RREB1: variants seen among roughly 807,000 people sequenced by gnomAD.
RREB1 encodes the protein ras responsive element binding protein 1.
In RREB1, 27 loss-of-function variants were observed where a neutral mutation model predicts 117.8. The observed-to-expected ratio is 0.23, with a 90% confidence interval of 0.17 to 0.32. The LOEUF (loss-of-function observed/expected upper bound fraction) is 0.32. Ranked by LOEUF, RREB1 falls within the 10% of genes least tolerant of loss-of-function variation. RREB1 has a pLI of 1.00. For synonymous variants in RREB1, 1,298 were observed against 1,026.7 expected (o/e 1.26, Z -5.05); for missense variants, 2,577 against 2,378.2 (o/e 1.08, Z -1.74).
intron 1 of RREB1, among the ~76,000 whole-genome samples, chr6:7,176,184 G>A (rs562662222): frequency 2.1e-4 from 32 of 152,250 alleles, no homozygotes; most frequent in African/African-American, 7.2e-4. Context: ...CCCAAAGTGC[G>A]GGGATTACAG....
intron 1 of RREB1, among the ~76,000 whole-genome samples, chr6:7,127,452 A>G (rs1007355335): frequency 2.6e-5 from 4 of 152,152 alleles, no homozygotes; most frequent in African/African-American, 7.2e-5. Context: ...AGGTGGGAAC[A>G]TTTATTTTCA....
In RREB1 at chr6:7,246,614, T is replaced by A. The variant is rs368341928; in HGVS notation, c.4164T>A (p.His1388Gln). Reference sequence around the variant, plus strand: ...AAGAGCACGGGCGTGGGGAGAGCCATGAGCCGGAGGAGGAGCATGGCACTG... The same window carrying A: ...AAGAGCACGGGCGTGGGGAGAGCCAAGAGCCGGAGGAGGAGCATGGCACTG... Reference protein sequence around the residue: ...HREEHGRGESHEPEEEHGTEE... With the variant: ...HREEHGRGESQEPEEEHGTEE... Residue 1388 changes from histidine to glutamine, a missense_variant, in exon 12 of 13, where the codon CAT becomes CAA. Coordinates refer to ENST00000379938, the MANE Select transcript of RREB1 (RefSeq NM_001003699.4). The A allele has an allele frequency of 9.0e-6, 14 of 1,563,324 alleles. No individual in the cohort carries two copies. In the African/African-American group the frequency reaches 1.9e-4, roughly 21 times the overall value.
rs1581606545 is a variant in RREB1 at position 7,251,126 on chromosome 6, G to C, written c.*2158G>C. The C allele has an allele frequency of 6.6e-6, 1 of 152,164 alleles. No individual in the cohort carries two copies. The highest frequency in any genetic ancestry group is 1.5e-5 in the Non-Finnish European group (1 of 68,032). The allele number at this position is 152,164 out of a possible 1,614,324, so 9.4% of individuals were successfully genotyped here. A position where few individuals can be genotyped will look rare whatever the true frequency, so the allele number is the denominator to read the frequency against. Reference sequence around the variant, plus strand: ...CTCTACGCTGCGGTGAGATGTAGCAGTAATCAGCTCCCAGCGACGTGTGTA... The same window carrying C: ...CTCTACGCTGCGGTGAGATGTAGCACTAATCAGCTCCCAGCGACGTGTGTA... On this transcript the variant is annotated 3_prime_UTR_variant, in exon 13 of 13. Coordinates refer to ENST00000379938, the MANE Select transcript of RREB1 (RefSeq NM_001003699.4).
In RREB1 at chr6:7,246,791, G is replaced by C; in HGVS notation, c.4341G>C (p.Lys1447Asn). The change falls in exon 12 of 13, where the codon AAG (lysine) becomes AAC (asparagine). Residue 1447 changes from lysine to asparagine, a missense_variant. Lys to Asn is a moderately conservative substitution (Grantham distance 94). Transcript: ENST00000379938. ...GGGGCGCGGCCTCGCAGGAGCAGAA[G>C]CTCGCCTGCGACACCTGTGGGAAGA... ...GAGGAASQEQKLACDTCGKSF... is the reference protein window; with the variant it reads ...GAGGAASQEQNLACDTCGKSF... 6.4e-7 allele frequency: 1 copy of C among 1,551,690 alleles called. No homozygotes were observed. The highest frequency in any genetic ancestry group is 8.7e-7 in the Non-Finnish European group (1 of 1,148,808).
chr6:7,146,945 A>G (rs2113410314), intron 1 of RREB1, among the ~76,000 whole-genome samples: 1 of 152,280 alleles, frequency 6.6e-6, no homozygotes, highest in South Asian at 2.1e-4. Flanking sequence ...TCTGTTTTAG[A>G]ATGAAACCGT....
chr6:7,176,284 G>A (rs985657563), intron 1 of RREB1, among the ~76,000 whole-genome samples: 1 of 152,140 alleles, frequency 6.6e-6, no homozygotes, highest in African/African-American at 2.4e-5. Context: ...TTGCTGCCTT[G>A]CTTTTCTCTT....
chr6:7,235,401 G>C (rs1269261698), intron 10 of RREB1, among the ~76,000 whole-genome samples: 1 of 152,208 alleles, frequency 6.6e-6, no homozygotes, highest in East Asian at 1.9e-4. Context: ...AAAAAGTCTT[G>C]AGTGTACACA....
In RREB1 at chr6:7,249,142, T is replaced by C. The variant is rs1300695592; in HGVS notation, c.*174T>C. On this transcript the variant is annotated 3_prime_UTR_variant, in exon 13 of 13. Transcript: ENST00000379938. ...TGGCTGCTCGCTCAGTGCCATAGCC[T>C]TACCGCAGCCTGCGCGGGAGGCCAC... The C allele has an allele frequency of 5.0e-6, 3 of 594,150 alleles. No homozygotes were observed. The highest frequency in any genetic ancestry group is 8.5e-6 in the Non-Finnish European group (3 of 354,598). The allele number at this position is 594,150 out of a possible 1,614,324, so 36.8% of individuals were successfully genotyped here. A position where few individuals can be genotyped will look rare whatever the true frequency, so the allele number is the denominator to read the frequency against.
At chr6:7,114,527 T>C (rs1010207459) in intron 1 of RREB1, among the ~76,000 whole-genome samples, 3 of 151,698 alleles carry the variant, frequency 2.0e-5, no homozygotes, top group African/African-American at 7.3e-5. Flanking sequence ...ACCCCAAAGA[T>C]GCTGTTCCAC....
chr6:7,118,237 C>T (rs1761500724), intron 1 of RREB1, among the ~76,000 whole-genome samples: 1 of 152,178 alleles, frequency 6.6e-6, no homozygotes, highest in Non-Finnish European at 1.5e-5. Flanking sequence ...TCTCCCACCT[C>T]AGCCTCCTGA....
chr6:7,212,020 G>C, intron 8 of RREB1: 1 of 337,240 alleles, frequency 3.0e-6, no homozygotes, highest in Admixed American at 4.4e-5. Context: ...ACAACAGATA[G>C]ATTTTCTTCG....
At chr6:7,226,221 TA>T (rs1375698472) in intron 8 of RREB1, among the ~76,000 whole-genome samples, 1 of 152,222 alleles carries the variant, frequency 6.6e-6, no homozygotes, top group Non-Finnish European at 1.5e-5. Context: ...GTTTAGGTCG[TA>T]CGTACACCTT....
intron 10 of RREB1, among the ~76,000 whole-genome samples, chr6:7,233,151 C>G (rs1375014951): frequency 6.6e-6 from 1 of 152,236 alleles, no homozygotes; most frequent in Non-Finnish European, 1.5e-5. Context: ...CCACCTTGGC[C>G]TCTCAAAGTG....
chr6:7,121,778 C>G (rs1416039338), intron 1 of RREB1, among the ~76,000 whole-genome samples: 1 of 151,686 alleles, frequency 6.6e-6, no homozygotes, highest in Non-Finnish European at 1.5e-5. Context: ...TTTTTAATGG[C>G]AAACAAAATC....
intron 6 of RREB1, among the ~76,000 whole-genome samples, chr6:7,204,215 A>G (rs1172956976): frequency 2.0e-5 from 3 of 152,160 alleles, no homozygotes; most frequent in East Asian, 1.9e-4. Flanking sequence ...GACTGAACCC[A>G]TACAACACCT....
At chr6:7,222,378 A>G (rs1024650755) in intron 8 of RREB1, among the ~76,000 whole-genome samples, 8 of 152,136 alleles carry the variant, frequency 5.3e-5, no homozygotes, top group African/African-American at 1.9e-4. Flanking sequence ...CGGCAGCTGA[A>G]GTGCACATGG....
At position 7,230,465 on chromosome 6, in the gene RREB1, C is replaced by A. The variant is rs940649614; in HGVS notation, c.2366C>A (p.Pro789His). Residue 789 changes from proline (P) to histidine (H), a missense_variant, in exon 10 of 13, where the codon CCC (proline) becomes CAC (histidine). Pro to His is a moderately conservative substitution (Grantham distance 77, BLOSUM62 -2). Transcript: ENST00000379938. Reference sequence around the variant, plus strand: ...GGCGGGGGCCACAAGGGCCGCAAGCCCTTCGAGTGCAAGGAGTGCAGCGCC... The same window carrying A: ...GGCGGGGGCCACAAGGGCCGCAAGCACTTCGAGTGCAAGGAGTGCAGCGCC... ...GLGGGHKGRKPFECKECSAAF... is the reference protein window; with the variant it reads ...GLGGGHKGRKHFECKECSAAF... The A allele has an allele frequency of 6.3e-7, 1 of 1,594,398 alleles. No individual in the cohort carries two copies. Among genetic ancestry groups the A allele is most frequent in the Non-Finnish European group, 8.5e-7 (1 of 1,177,230 alleles).
chr6:7,247,301 C>G, intron 12 of RREB1, 80 bp downstream of exon 12: 1 of 1,283,486 alleles, frequency 7.8e-7, no homozygotes, highest in Non-Finnish European at 1.1e-6. Flanking sequence ...CCTGAAGCGG[C>G]GCTGGAGGCC....
At chr6:7,233,524 G>C (rs1442400525) in intron 10 of RREB1, among the ~76,000 whole-genome samples, 1 of 152,196 alleles carries the variant, frequency 6.6e-6, no homozygotes, top group Non-Finnish European at 1.5e-5. Context: ...TTGAATTTCA[G>C]ATAGACAACA....
Sources: allele counts gnomAD v4.1 joint callset (sites outside exome capture counted in the v4.1 genomes callset), GRCh38; gene constraint gnomAD v4.1.1; transcripts MANE v1.5; gene names NCBI Gene and HGNC (gene_info 2026-07-23, HGNC 2026-07-21).